Variants in UGT1A4 observed in about 807,000 individuals in gnomAD.
UGT1A4 encodes UDP glucuronosyltransferase family 1 member A4.
UGT1A4 carries 32 observed loss-of-function variants against 41.1 expected under a neutral mutation model. The ratio of observed to expected loss-of-function variants is 0.78; its 90% confidence interval spans 0.59 to 1.05. UGT1A4 has a LOEUF of 1.05. Ranked by LOEUF, UGT1A4 falls within the 50% of genes least tolerant of loss-of-function variation. UGT1A4 has a pLI of 0.00. For missense variants in UGT1A4, 748 were observed against 677.4 expected (o/e 1.10, Z -1.16); for synonymous variants, 283 against 265.1 (o/e 1.07, Z -0.66).
intron 1 of UGT1A4, chr2:233,730,081 C>G: frequency 1.2e-6 from 2 of 1,603,798 alleles, no homozygotes; most frequent in Non-Finnish European, 8.5e-7. Context: ...TCCATATTTA[C>G]TTATCTTTCC....
At chr2:233,732,721 G>C (rs2078305544) in intron 1 of UGT1A4, among the ~76,000 whole-genome samples, 1 of 147,538 alleles carries the variant, frequency 6.8e-6, no homozygotes, top group South Asian at 2.1e-4. Context: ...TTGTAGTACA[G>C]TTTGAAGTCA....
At chr2:233,747,328 A>C in intron 1 of UGT1A4, 1 of 1,603,802 alleles carries the variant, frequency 6.2e-7, no homozygotes, top group African/African-American at 1.3e-5. Flanking sequence ...CATTGATGGC[A>C]GCCACTGGCT....
intron 1 of UGT1A4, chr2:233,743,916 T>A: frequency 7.3e-7 from 1 of 1,364,598 alleles, no homozygotes; most frequent in South Asian, 1.1e-5. Context: ...TAGTCCACCA[T>A]GCTGGATGGC....
At position 233,738,564 on chromosome 2, in the gene UGT1A4, T is replaced by G. The variant is rs1575624453; in HGVS notation, c.867+18877T>G. Reference sequence around the variant, plus strand: ...GAGTCTCAGATAGAGATGAGGAATCTGTTGAGAACTGGAGCAAAGGTCACT... The same window carrying G: ...GAGTCTCAGATAGAGATGAGGAATCGGTTGAGAACTGGAGCAAAGGTCACT... On this transcript the variant is annotated intron_variant, in intron 1 of 4. Transcript: ENST00000373409. Among the ~76,000 whole-genome samples, 3 of 152,322 alleles carry G rather than the reference T, an allele frequency of 2.0e-5. No individual in the cohort carries two copies. The South Asian group carries it at 6.2e-4, about 32-fold the overall frequency.
At chr2:233,746,837 G>A (rs1378280242) in intron 1 of UGT1A4, among the ~76,000 whole-genome samples, 1 of 151,758 alleles carries the variant, frequency 6.6e-6, no homozygotes, top group African/African-American at 2.4e-5. Context: ...CACTGTTGGG[G>A]ACCTCTCAGA....
At chr2:233,725,044 AGGCGTGGCGGCGCGCGCCTGCAATCGCAG>A (rs1160459932) in intron 1 of UGT1A4, among the ~76,000 whole-genome samples, 1 of 148,048 alleles carries the variant, frequency 6.8e-6, no homozygotes, top group Non-Finnish European at 1.5e-5. Flanking sequence ...AAAACCAGTC[AGGCGTGGCGGCGCGCGCCTGCAATCGCAG>A]GCACTCGGCA....
chr2:233,744,852 T>C (rs17864703), intron 1 of UGT1A4, among the ~76,000 whole-genome samples: 15 of 152,070 alleles, frequency 9.9e-5, no homozygotes, highest in Non-Finnish European at 1.3e-4. Flanking sequence ...AGAGTAGTCC[T>C]TGGTATTCTG....
chr2:233,768,469 G>A (rs1403858659), intron 4 of UGT1A4, 30 bp downstream of exon 4: 1 of 1,603,172 alleles, frequency 6.2e-7, no homozygotes, highest in African/African-American at 1.3e-5. Flanking sequence ...AGAATACTTT[G>A]GTCATGGCAT....
intron 1 of UGT1A4, chr2:233,741,566 A>C (rs1338597407): frequency 6.6e-6 from 1 of 151,914 alleles, no homozygotes; most frequent in Non-Finnish European, 1.5e-5. Flanking sequence ...TTGTATGAGA[A>C]TCAACTACCC....
intron 1 of UGT1A4, chr2:233,729,534 C>T (rs1281653425): frequency 6.2e-7 from 1 of 1,614,090 alleles, no homozygotes; most frequent in Non-Finnish European, 8.5e-7. Context: ...ATAATGAGGC[C>T]CTGATCAGGC....
At chr2:233,757,560 A>ATATATATATATATATG (rs904896556) in intron 1 of UGT1A4, among the ~76,000 whole-genome samples, 35 of 123,152 alleles carry the variant, frequency 2.8e-4, no homozygotes, top group African/African-American at 1.1e-3. Context: ...ATATATATAT[A>ATATATATATATATATG]TGTATATATG....
At chr2:233,741,718 G>A (rs530950175) in intron 1 of UGT1A4, 1 of 151,874 alleles carries the variant, frequency 6.6e-6, no homozygotes, top group Non-Finnish European at 1.5e-5. Flanking sequence ...GGGTTCTAGA[G>A]CATATCCAAA....
At chr2:233,771,280 CCTTTT>C (rs1700275539) in intron 4 of UGT1A4, 2 of 152,190 alleles carry the variant, frequency 1.3e-5, no homozygotes, top group Non-Finnish European at 1.5e-5. Flanking sequence ...CTTTCTTCTC[CCTTTT>C]CTTTTCTACT....
chr2:233,720,496 G>A (rs780049805), intron 1 of UGT1A4, among the ~76,000 whole-genome samples: 30 of 152,218 alleles, frequency 2.0e-4, no homozygotes, highest in Middle Eastern at 3.4e-3. Context: ...GAAGGGAAGT[G>A]TTTCTCAGGT....
chr2:233,772,643 T>C lies in UGT1A4; in HGVS notation c.*84T>C, dbSNP rs78684540. ...AAAACAGAATCAGTGTTAAATTCAT[T>C]TTATTCTTATTAAGGAAATACTTTG... is the stretch of plus-strand genomic sequence containing the variant. On this transcript the variant is annotated 3_prime_UTR_variant, in exon 5 of 5. Transcript: ENST00000373409. The C allele has an allele frequency of 4.5e-5, 70 of 1,550,640 alleles. No homozygotes were observed. The East Asian group carries it at 1.3e-3, about 28-fold the overall frequency.
intron 1 of UGT1A4, among the ~76,000 whole-genome samples, chr2:233,725,523 T>C (rs970179720): frequency 6.6e-6 from 1 of 152,060 alleles, no homozygotes; most frequent in African/African-American, 2.4e-5. Context: ...TAAGGCATTG[T>C]TTAACCAGAC....
At chr2:233,723,986 G>A (rs1415108440) in intron 1 of UGT1A4, among the ~76,000 whole-genome samples, 7 of 57,878 alleles carry the variant, frequency 1.2e-4, no homozygotes, top group African/African-American at 7.1e-4. Context: ...CACCTTTCCC[G>A]CCTTTCTATT....
chr2:233,719,697 G>A lies in UGT1A4; in HGVS notation c.867+10G>A. 1 of 1,613,928 alleles carries A rather than the reference G, an allele frequency of 6.2e-7. No individual in the cohort carries two copies. On this transcript the variant is annotated intron_variant, in intron 1 of 4. Transcript: ENST00000373409. The stretch of plus-strand genomic sequence containing the variant: ...GAAGCCACTATCTCAGGTCTGTATT[G>A]GTGCCTTCATCCAATCAATGTTCCA...
chr2:233,760,508 A>G (rs983416663), intron 1 of UGT1A4: 1 of 1,614,272 alleles, frequency 6.2e-7, no homozygotes, highest in Non-Finnish European at 8.5e-7. Flanking sequence ...GGAGCATTTT[A>G]CACCTTGAAG....
Sources: gnomAD v4.1 joint callset for allele counts (sites outside exome capture counted in the v4.1 genomes callset) on GRCh38, gnomAD v4.1.1 for gene constraint, MANE v1.5 for transcripts, NCBI Gene and HGNC (gene_info 2026-07-23, HGNC 2026-07-21) for gene names.